The following ZNF717 variants were observed in gnomAD, a reference collection of about 807,000 sequenced individuals.
ZNF717 encodes the protein zinc finger protein 717.
A neutral mutation model predicts 13.8 loss-of-function variants in ZNF717; 9 were observed. That is an observed-to-expected ratio of 0.65 (90% CI 0.39 to 1.14). The LOEUF is 1.14. Ranked by LOEUF, ZNF717 falls within the 50% of genes most tolerant of loss-of-function variation. ZNF717 has a pLI of 0.01. For missense variants in ZNF717, 1,040 were observed against 1,080.7 expected (o/e 0.96, Z 0.53); for synonymous variants, 327 against 364.1 (o/e 0.90, Z 1.16).
chr3:75,751,095 A>C (rs1231590257), intron 2 of ZNF717, among the ~76,000 whole-genome samples: 17 of 152,010 alleles, frequency 1.1e-4, no homozygotes, highest in African/African-American at 4.1e-4. Context: ...ATAGGATTCC[A>C]GAAAACTGCT....
chr3:75,757,037 C>G (rs1462764401), intron 2 of ZNF717, among the ~76,000 whole-genome samples: 3 of 152,252 alleles, frequency 2.0e-5, no homozygotes, highest in Non-Finnish European at 2.9e-5. Flanking sequence ...AAGTCTGAAG[C>G]TAGAAGAGCT....
chr3:75,700,659 A>G (rs1937675043), intron 6 of ZNF717, among the ~76,000 whole-genome samples: 2 of 152,422 alleles, frequency 1.3e-5, no homozygotes, highest in South Asian at 4.1e-4. Context: ...CTTACTTTCA[A>G]CAAAAGTGCC....
At chr3:75,699,673 G>C (rs1937647159) in intron 6 of ZNF717, among the ~76,000 whole-genome samples, 2 of 152,278 alleles carry the variant, frequency 1.3e-5, no homozygotes, top group Non-Finnish European at 2.9e-5. Context: ...ATACCCTGTA[G>C]AACCATGAGC....
chr3:75,732,085 T>C, downstream of ZNF717: 1 of 703,050 alleles, frequency 1.4e-6, no homozygotes, highest in South Asian at 1.5e-5. Flanking sequence ...CAGGCTCCTG[T>C]GGCAAATACC....
chr3:75,712,511 C>A (rs1937961372), intron 5 of ZNF717, among the ~76,000 whole-genome samples: 2 of 150,272 alleles, frequency 1.3e-5, no homozygotes, highest in Non-Finnish European at 2.9e-5. Flanking sequence ...CTGATTGTAA[C>A]CAACTTGGTC....
In ZNF717 at chr3:75,759,345, G is replaced by A. The variant is rs534606518; in HGVS notation, c.58-17609C>T. Reference sequence around the variant, plus strand: ...GGCCATAGTGCAGTGGCGTGATCTCGGCTCACTGCAAGCTCCACCTCCCGG... The same window carrying A: ...GGCCATAGTGCAGTGGCGTGATCTCAGCTCACTGCAAGCTCCACCTCCCGG... On this transcript the variant is annotated intron_variant, in intron 2 of 4. Coordinates refer to ENST00000652011, the MANE Select transcript of ZNF717 (RefSeq NM_001290208.3). 7.3e-5 allele frequency among the ~76,000 whole-genome samples: 11 copies of A among 149,714 alleles called. No homozygotes were observed. In the South Asian group the frequency reaches 1.9e-3, roughly 26 times the overall value.
intron 5 of ZNF717, among the ~76,000 whole-genome samples, chr3:75,714,401 T>C (rs1938007041): frequency 6.6e-6 from 1 of 152,018 alleles, no homozygotes; most frequent in African/African-American, 2.4e-5. Flanking sequence ...TCCCCTCAGC[T>C]CCTATCTCTG....
chr3:75,779,479 T>C (rs1280820137), intron 2 of ZNF717, among the ~76,000 whole-genome samples: 386 of 74,488 alleles, frequency 5.2e-3, no homozygotes, highest in Middle Eastern at 0.02. Flanking sequence ...TGTGCTAAAC[T>C]AGAAACCCAA....
At chr3:75,727,325 G>T (rs1575725969), downstream of ZNF717, among the ~76,000 whole-genome samples, 1 of 152,222 alleles carries the variant, frequency 6.6e-6, no homozygotes, top group East Asian at 1.9e-4. Flanking sequence ...CAGAATAACA[G>T]CGATTTTCAG....
downstream of ZNF717, among the ~76,000 whole-genome samples, chr3:75,731,560 CA>C (rs1380986718): frequency 1.3e-5 from 1 of 75,766 alleles, no homozygotes; most frequent in African/African-American, 5.3e-5. Flanking sequence ...GAGTCCATCT[CA>C]AAAAAAGGAA....
chr3:75,734,815 A>AT (rs1469622349), downstream of ZNF717, among the ~76,000 whole-genome samples: 473 of 43,120 alleles, frequency 0.011, 10 homozygotes, highest in African/African-American at 0.028. Flanking sequence ...ATATATATAT[A>AT]TATTTTTTTT....
chr3:75,748,488 G>A (rs202111198), intron 2 of ZNF717, among the ~76,000 whole-genome samples: 9 of 152,090 alleles, frequency 5.9e-5, no homozygotes, highest in African/African-American at 2.2e-4. Context: ...AAAGCTTATC[G>A]ACCATGATCA....
At chr3:75,703,956 C>G (rs9818539) in intron 6 of ZNF717, among the ~76,000 whole-genome samples, 189 of 151,724 alleles carry the variant, frequency 1.2e-3, no homozygotes, top group African/African-American at 4.4e-3. Context: ...TGTGGCCATA[C>G]AAGACATCTT....
chr3:75,709,853 A>G (rs1190020828), exon 6 of ZNF717: 25 of 152,292 alleles, frequency 1.6e-4, no homozygotes, highest in South Asian at 6.2e-4. Context: ...ATCACTGATC[A>G]ATCATCTTTA....
At chr3:75,749,841 T>G (rs1273699331) in intron 2 of ZNF717, among the ~76,000 whole-genome samples, 2 of 151,188 alleles carry the variant, frequency 1.3e-5, no homozygotes, top group African/African-American at 4.9e-5. Flanking sequence ...GTGACTCACA[T>G]AGGATTCCAG....
intron 6 of ZNF717, among the ~76,000 whole-genome samples, chr3:75,695,208 A>T (rs924159573): frequency 1.2e-4 from 18 of 152,280 alleles, no homozygotes; most frequent in Non-Finnish European, 2.9e-5. Context: ...ACAAACATAG[A>T]TTTCAACAAA....
chr3:75,721,964 T>C (rs1383403025), intron 4 of ZNF717, among the ~76,000 whole-genome samples: 1 of 151,982 alleles, frequency 6.6e-6, no homozygotes, highest in Non-Finnish European at 1.5e-5. Context: ...TTAGTAAATA[T>C]TTGCCGGGTG....
intron 2 of ZNF717, among the ~76,000 whole-genome samples, chr3:75,752,794 A>G (rs199896603): frequency 6.6e-6 from 1 of 150,684 alleles, no homozygotes; most frequent in Non-Finnish European, 1.5e-5. Flanking sequence ...TGCCCTTAAC[A>G]TAGGATTTCA....
At chr3:75,765,965 C>T (rs564411672) in intron 2 of ZNF717, among the ~76,000 whole-genome samples, 1 of 152,036 alleles carries the variant, frequency 6.6e-6, no homozygotes, top group African/African-American at 2.4e-5. Context: ...AAAAATTAGC[C>T]AGGTATGGTG....
Sources: allele counts gnomAD v4.1 joint callset (sites outside exome capture counted in the v4.1 genomes callset), GRCh38; gene constraint gnomAD v4.1.1; transcripts MANE v1.5; gene names NCBI Gene and HGNC (gene_info 2026-07-23, HGNC 2026-07-21).